SGTB: variants seen among roughly 807,000 people sequenced by gnomAD.
SGTB encodes the protein small glutamine-rich tetratricopeptide repeat-containing protein beta.
In SGTB, 19 loss-of-function variants were observed where a neutral mutation model predicts 43.9. That is an observed-to-expected ratio of 0.43 (90% CI 0.30 to 0.63). The LOEUF (loss-of-function observed/expected upper bound fraction) is 0.63, where lower values mean the gene tolerates loss of function less well. Ranked by LOEUF, SGTB falls within the 30% of genes least tolerant of loss-of-function variation. SGTB has a pLI of 0.12. For missense variants in SGTB, 304 were observed against 358.9 expected, an observed-to-expected ratio of 0.85 and a Z score of 1.24; for synonymous variants, 116 against 117.3, an observed-to-expected ratio of 0.99 and a Z score of 0.07.
rs1287660211 is a variant in SGTB at position 65,668,088 on chromosome 5, G to C, written c.*2158C>G. On this transcript the variant is annotated 3_prime_UTR_variant, in exon 11 of 11. Coordinates refer to ENST00000381007, the MANE Select transcript of SGTB (RefSeq NM_019072.3). ...ATGCTTCAGCCTCCCAAGTAGCTGG[G>C]ACTACGGGTGCCCGCCACCAAGCCA... The C allele has an allele frequency of 2.0e-5, 3 of 151,870 alleles. No individual in the cohort carries two copies. The highest frequency in any genetic ancestry group is 4.4e-5 in the Non-Finnish European group (3 of 68,046). The allele number at this position is 151,870 out of a possible 1,614,324, so 9.4% of individuals were successfully genotyped here. A position where few individuals can be genotyped will look rare whatever the true frequency, so the allele number is the denominator to read the frequency against.
At chr5:65,721,261 T>C (rs970566778) in intron 1 of SGTB, among the ~76,000 whole-genome samples, 1 of 152,230 alleles carries the variant, frequency 6.6e-6, no homozygotes, top group Non-Finnish European at 1.5e-5. Context: ...TAATGTACAC[T>C]CTACCCACTT....
chr5:65,696,073 A>G (rs1757708949), intron 5 of SGTB, among the ~76,000 whole-genome samples: 1 of 152,220 alleles, frequency 6.6e-6, no homozygotes, highest in Non-Finnish European at 1.5e-5. Flanking sequence ...CTCAGAGCTC[A>G]CACGGCTACG....
At position 65,685,414 on chromosome 5, in the gene SGTB, C is replaced by T; in HGVS notation, c.433G>A (p.Ala145Thr). Residue 145 changes from alanine (A) to threonine (T), a missense_variant, in exon 6 of 11, where the codon GCA becomes ACA. Physicochemically the swap from Ala to Thr is moderately conservative, Grantham distance 58. Transcript: ENST00000381007. ...YTDAIKDCEK[A>T]IAIDSKYSKA... The stretch of plus-strand genomic sequence containing the variant: ...CTGTACTTTGAATCAATTGCTATTG[C>T]TTTTTCACAATCCTTTATCGCATCT... 1 of 1,614,178 alleles carries T rather than the reference C, an allele frequency of 6.2e-7. No homozygotes were observed. The highest frequency in any genetic ancestry group is 8.5e-7 in the Non-Finnish European group (1 of 1,180,014).
chr5:65,697,133 A>G (rs1354604685), intron 5 of SGTB, among the ~76,000 whole-genome samples: 1 of 152,190 alleles, frequency 6.6e-6, no homozygotes, highest in Non-Finnish European at 1.5e-5. Context: ...TATAGCTACT[A>G]GAGTCTCAAA....
intron 4 of SGTB, among the ~76,000 whole-genome samples, chr5:65,706,382 A>C (rs1235281508): frequency 3.9e-5 from 6 of 152,188 alleles, no homozygotes; most frequent in Admixed American, 3.9e-4. Context: ...GCATTTTATG[A>C]TTACATTATA....
At chr5:65,720,872 G>C in intron 1 of SGTB, 43 bp from the exon 2 acceptor site, 3 of 1,576,176 alleles carry the variant, frequency 1.9e-6, no homozygotes, top group South Asian at 2.3e-5. Context: ...TTATTTTAAA[G>C]AATCAGTCAG....
chr5:65,697,125 T>C (rs1047014585), intron 5 of SGTB, among the ~76,000 whole-genome samples: 1 of 152,186 alleles, frequency 6.6e-6, no homozygotes, highest in African/African-American at 2.4e-5. Flanking sequence ...GAGATATTTA[T>C]AGCTACTAGA....
At chr5:65,682,535 TCAA>T (rs1757416713) in intron 6 of SGTB, among the ~76,000 whole-genome samples, 1 of 152,162 alleles carries the variant, frequency 6.6e-6, no homozygotes, top group Non-Finnish European at 1.5e-5. Context: ...ACACTTGGAT[TCAA>T]GATATATACA....
At chr5:65,700,671 ACT>A (rs1428146571) in intron 5 of SGTB, among the ~76,000 whole-genome samples, 1 of 135,268 alleles carries the variant, frequency 7.4e-6, no homozygotes, top group Non-Finnish European at 1.6e-5. Context: ...ACAGAGTGAG[ACT>A]CTGTCTCCCA....
At chr5:65,671,720 T>C (rs776132955) in intron 10 of SGTB, among the ~76,000 whole-genome samples, 195 bp downstream of exon 10, 1 of 152,074 alleles carries the variant, frequency 6.6e-6, no homozygotes, top group Non-Finnish European at 1.5e-5. Flanking sequence ...ACTATCTAGG[T>C]ATGGATTCCT....
chr5:65,693,470 A>C, intron 5 of SGTB, among the ~76,000 whole-genome samples: 1 of 152,184 alleles, frequency 6.6e-6, no homozygotes, highest in Non-Finnish European at 1.5e-5. Context: ...CAAAATGTTA[A>C]CTACCATTGA....
intron 3 of SGTB, 81 bp from the exon 4 acceptor site, chr5:65,708,639 T>C (rs1333680140): frequency 9.4e-7 from 1 of 1,062,224 alleles, no homozygotes; most frequent in Non-Finnish European, 1.3e-6. Context: ...AATAATAAAT[T>C]ACCCACATTT....
At chr5:65,708,652 A>T in intron 3 of SGTB, 94 bp from the exon 4 acceptor site, 1 of 930,724 alleles carries the variant, frequency 1.1e-6, no homozygotes, top group Non-Finnish European at 1.6e-6. Flanking sequence ...CCACATTTTA[A>T]ATCATCTGTA....
intron 2 of SGTB, among the ~76,000 whole-genome samples, chr5:65,714,455 A>G (rs1452885078): frequency 6.6e-6 from 1 of 152,226 alleles, no homozygotes; most frequent in African/African-American, 2.4e-5. Flanking sequence ...GTATGGCAAA[A>G]TAAGTGGTTG....
At chr5:65,683,124 G>T (rs181152888) in intron 6 of SGTB, among the ~76,000 whole-genome samples, 40 of 151,780 alleles carry the variant, frequency 2.6e-4, no homozygotes, top group African/African-American at 9.2e-4. Context: ...GCACATTACA[G>T]TCCTCTTGCA....
rs201934842 is a variant in SGTB at position 65,667,953 on chromosome 5, CTTTTTTTTTT to C, written c.*2283_*2292del. The C allele has an allele frequency of 7.1e-6, 1 of 140,154 alleles. No individual in the cohort carries two copies. The highest frequency in any genetic ancestry group is 1.5e-5 in the Non-Finnish European group (1 of 64,754). The allele number at this position is 140,154 out of a possible 1,614,324, so 8.7% of individuals were successfully genotyped here. ...ATAATTAGTCTCTTAGTCTCTTTTT[CTTTTTTTTTT>C]TTTTTTTGAAATGGAGTCTTGCTCT... On this transcript the variant is annotated 3_prime_UTR_variant, in exon 11 of 11. Coordinates refer to ENST00000381007, the MANE Select transcript of SGTB (RefSeq NM_019072.3).
At chr5:65,671,731 G>C (rs1266901638) in intron 10 of SGTB, among the ~76,000 whole-genome samples, 184 bp downstream of exon 10, 1 of 152,046 alleles carries the variant, frequency 6.6e-6, no homozygotes, top group Admixed American at 6.6e-5. Context: ...ATGGATTCCT[G>C]CCCTGCAGTC....
At chr5:65,689,001 G>A (rs970821268) in intron 5 of SGTB, among the ~76,000 whole-genome samples, 9 of 151,752 alleles carry the variant, frequency 5.9e-5, no homozygotes, top group African/African-American at 2.2e-4. Context: ...AGTAGAGACG[G>A]GGGTTTCACC....
intron 6 of SGTB, among the ~76,000 whole-genome samples, chr5:65,685,079 GTGACTA>G (rs1757473524): frequency 6.6e-6 from 1 of 152,150 alleles, no homozygotes; most frequent in African/African-American, 2.4e-5. Flanking sequence ...GAGTGGAAAG[GTGACTA>G]TAGAAGGAAA....
Sources: gnomAD v4.1 joint callset for allele counts (sites outside exome capture counted in the v4.1 genomes callset) on GRCh38, gnomAD v4.1.1 for gene constraint, MANE v1.5 for transcripts, NCBI Gene and HGNC (gene_info 2026-07-23, HGNC 2026-07-21) for gene names.